BTBD10: variants seen among roughly 807,000 people sequenced by gnomAD.
BTBD10 encodes the protein BTB/POZ domain-containing protein 10.
A neutral mutation model predicts 53.2 loss-of-function variants in BTBD10; 21 were observed. The ratio of observed to expected loss-of-function variants is 0.39; its 90% CI spans 0.28 to 0.57. BTBD10 has a LOEUF of 0.57. Ranked by LOEUF, BTBD10 falls within the 20% of genes least tolerant of loss-of-function variation. The pLI is 0.53. For synonymous variants in BTBD10, 149 were observed against 192.7 expected (o/e 0.77, Z 1.88); for missense variants, 360 against 594.7 (o/e 0.61, Z 4.10).
intron 8 of BTBD10, 58 bp downstream of exon 8, chr11:13,403,110 G>T: frequency 2.8e-6 from 3 of 1,073,056 alleles, no homozygotes; most frequent in Non-Finnish European, 4.1e-6. Context: ...AGATCCAATT[G>T]TTTTTAACCT....
At chr11:13,408,626 C>T (rs1048848129) in intron 6 of BTBD10, among the ~76,000 whole-genome samples, 6 of 152,114 alleles carry the variant, frequency 3.9e-5, no homozygotes, top group Non-Finnish European at 7.4e-5. Flanking sequence ...ATTTTTGCTC[C>T]TCATGAAGTC....
intron 2 of BTBD10, among the ~76,000 whole-genome samples, chr11:13,426,960 T>C (rs1432531813): frequency 1.3e-5 from 2 of 152,124 alleles, no homozygotes; most frequent in Admixed American, 1.3e-4. Flanking sequence ...GATTATCAGA[T>C]TGGATATAAA....
At chr11:13,389,162 A>T (rs1353524862) in intron 8 of BTBD10, 21 bp from the exon 9 acceptor site, 1 of 1,593,194 alleles carries the variant, frequency 6.3e-7, no homozygotes. Context: ...GAAAGATTTT[A>T]AAAACTGAGG....
intron 7 of BTBD10, 71 bp downstream of exon 7, chr11:13,405,588 A>T: frequency 6.4e-7 from 1 of 1,552,452 alleles, no homozygotes; most frequent in Non-Finnish European, 8.8e-7. Context: ...CTATGAGAAG[A>T]GCTCTTCTTT....
At chr11:13,447,027 T>C (rs1241947913) in intron 1 of BTBD10, among the ~76,000 whole-genome samples, 1 of 152,136 alleles carries the variant, frequency 6.6e-6, no homozygotes, top group Non-Finnish European at 1.5e-5. Context: ...GATGTAGAGA[T>C]TTGGCAGATT....
At chr11:13,406,560 TGAGAGAGAGAGA>T (rs72242186) in intron 6 of BTBD10, among the ~76,000 whole-genome samples, 34 of 141,456 alleles carry the variant, frequency 2.4e-4, no homozygotes, top group Non-Finnish European at 4.7e-4. Context: ...TACGCATGAG[TGAGAGAGAGAGA>T]GAGAGAGAGA....
rs1173355506 is a variant in BTBD10 at position 13,451,402 on chromosome 11, T to A, written c.-57-6221A>T. On this transcript the variant is annotated intron_variant, in intron 1 of 8. Transcript: ENST00000278174. ...AAGATTAAGAGGGAATTCCCAGAAG[T>A]AAAGAACCCACAGAGAGGGTGAATT... is the stretch of plus-strand genomic sequence containing the variant. 2.0e-5 allele frequency among the ~76,000 whole-genome samples: 3 copies of A among 152,026 alleles called. No homozygotes were observed. In the East Asian group the frequency reaches 5.8e-4, roughly 29 times the overall value.
intron 5 of BTBD10, among the ~76,000 whole-genome samples, chr11:13,416,567 G>A (rs139027147): frequency 3.3e-5 from 5 of 152,302 alleles, no homozygotes; most frequent in African/African-American, 7.2e-5. Context: ...TATGACTCCA[G>A]AAATGTTACT....
chr11:13,399,718 G>T (rs1236442532), intron 8 of BTBD10, among the ~76,000 whole-genome samples: 1 of 152,116 alleles, frequency 6.6e-6, no homozygotes, highest in Non-Finnish European at 1.5e-5. Context: ...CGTACAGATG[G>T]GTTTTTGGTG....
chr11:13,430,786 A>G (rs1950432286), intron 2 of BTBD10, among the ~76,000 whole-genome samples: 1 of 152,102 alleles, frequency 6.6e-6, no homozygotes, highest in African/African-American at 2.4e-5. Flanking sequence ...CTCCACCACA[A>G]AAAATAAATT....
chr11:13,420,315 G>A (rs572481783), intron 3 of BTBD10, among the ~76,000 whole-genome samples: 1 of 139,016 alleles, frequency 7.2e-6, no homozygotes, highest in Non-Finnish European at 1.6e-5. Context: ...GTAGTAAGAA[G>A]TATTTTTTTT....
rs140359045 is a variant in BTBD10, at chr11:13,431,532, T to C, written c.102-9694A>G. ...CAGCTTTATGACTTAATAATGCTTC[T>C]GTTTTCTTTAATACCAACTTTTCAC... On this transcript the variant is annotated intron_variant, in intron 2 of 8. Transcript: ENST00000278174. Among the ~76,000 whole-genome samples the C allele has an allele frequency of 1.8e-4, 27 of 152,326 alleles. No individual in the cohort carries two copies. In the East Asian group the frequency reaches 3.7e-3, roughly 21 times the overall value.
At chr11:13,392,074 A>C (rs1297058371) in intron 8 of BTBD10, among the ~76,000 whole-genome samples, 1 of 152,258 alleles carries the variant, frequency 6.6e-6, no homozygotes, top group African/African-American at 2.4e-5. Context: ...ACAAAATTGT[A>C]ATGCCAGATC....
At chr11:13,422,539 T>C (rs1950264273) in intron 2 of BTBD10, among the ~76,000 whole-genome samples, 1 of 151,954 alleles carries the variant, frequency 6.6e-6, no homozygotes, top group African/African-American at 2.4e-5. Context: ...TCCCAGCTAC[T>C]CAGGAGGCTG....
intron 2 of BTBD10, chr11:13,440,379 T>A: frequency 1.1e-6 from 1 of 903,664 alleles, no homozygotes; most frequent in African/African-American, 1.8e-5. Context: ...CTTAGAGATA[T>A]GTAGATATGT....
At chr11:13,408,372 T>C (rs897772607) in intron 6 of BTBD10, among the ~76,000 whole-genome samples, 2 of 152,186 alleles carry the variant, frequency 1.3e-5, no homozygotes, top group African/African-American at 4.8e-5. Flanking sequence ...ATCCTTAAAA[T>C]AAATCCTCAA....
intron 2 of BTBD10, among the ~76,000 whole-genome samples, chr11:13,436,378 T>A (rs531640942): frequency 4.6e-5 from 7 of 152,224 alleles, no homozygotes; most frequent in South Asian, 2.1e-4. Flanking sequence ...TTCCTCCAGC[T>A]CCCCAACCAA....
At chr11:13,418,013 C>G (rs562641308) in intron 4 of BTBD10, among the ~76,000 whole-genome samples, 18 of 152,124 alleles carry the variant, frequency 1.2e-4, no homozygotes, top group Middle Eastern at 3.4e-3. Context: ...AAAATGTATT[C>G]TAGTACTCTC....
chr11:13,423,273 C>T (rs549519194), intron 2 of BTBD10, among the ~76,000 whole-genome samples: 1 of 152,246 alleles, frequency 6.6e-6, no homozygotes, highest in South Asian at 2.1e-4. Context: ...AAGTTCATGG[C>T]TTTAGAGTAA....
Sources: gnomAD v4.1 joint callset for allele counts (sites outside exome capture counted in the v4.1 genomes callset) on GRCh38, gnomAD v4.1.1 for gene constraint, MANE v1.5 for transcripts, NCBI Gene and HGNC (gene_info 2026-07-23, HGNC 2026-07-21) for gene names.